Variants in PPFIA3 observed in about 807,000 individuals in gnomAD.
PPFIA3 encodes liprin-alpha-3.
A neutral mutation model predicts 145.8 loss-of-function variants in PPFIA3; 26 were observed. The observed-to-expected ratio is 0.18, with a 90% confidence interval of 0.13 to 0.25. The LOEUF is 0.25. Among genes scored for constraint, PPFIA3 ranks in the 10% least tolerant of loss-of-function variants. The pLI is 1.00. For synonymous variants in PPFIA3, 645 were observed against 661.4 expected, an observed-to-expected ratio of 0.98 and a Z score of 0.38; for missense variants, 1,008 against 1,587.8, an observed-to-expected ratio of 0.63 and a Z score of 6.21.
Position 49,149,668 on chromosome 19 carries a change from C to T in PPFIA3, c.3476C>T (p.Ala1159Val), listed in dbSNP as rs1326805289. 4.3e-6 allele frequency: 7 copies of T among 1,613,908 alleles called. No individual in the cohort carries two copies. Among genetic ancestry groups the T allele is most frequent in the Non-Finnish European group, 5.9e-6 (7 of 1,179,990 alleles). Reference sequence around the variant, plus strand: ...CCCCCCAACTTTCGTTCGGCTGCAGCGGGAGCCCTGGGCTCTCCGGGGCTC... The same window carrying T: ...CCCCCCAACTTTCGTTCGGCTGCAGTGGGAGCCCTGGGCTCTCCGGGGCTC... Reference protein sequence around the residue: ...MLPPNFRSAAAGALGSPGLPL... With the variant: ...MLPPNFRSAAVGALGSPGLPL... Residue 1159 changes from alanine to valine, a missense_variant, in exon 28 of 30, where the codon GCG becomes GTG. By Grantham distance (64) the Ala-to-Val change is moderately conservative. Coordinates refer to ENST00000334186, the MANE Select transcript of PPFIA3 (RefSeq NM_003660.4). The surrounding 1 kb of genome is among the most constrained non-coding windows in gnomAD (Gnocchi z 5.7).
In PPFIA3 at chr19:49,130,198, A is replaced by C; in HGVS notation, c.657+131A>C. ...CCTGTAAGAGTGTCACAGAGCTTGG[A>C]CCTCTGATTCAGGTCACCTAGCGAA... On this transcript the variant is annotated intron_variant, in intron 6 of 29. Coordinates refer to ENST00000334186, the MANE Select transcript of PPFIA3 (RefSeq NM_003660.4). The surrounding 1 kb of genome is among the most constrained non-coding windows in gnomAD (Gnocchi z 4.5). 1.7e-6 allele frequency: 2 copies of C among 1,188,592 alleles called. No homozygotes were observed. Among genetic ancestry groups the C allele is most frequent in the South Asian group, 1.5e-5 (1 of 64,980 alleles). 73.6% of individuals were successfully genotyped at this position (1,188,592 alleles called of 1,614,324 possible).
chr19:49,139,954 T>A lies in PPFIA3; in HGVS notation c.2241-7T>A. ...GCATATGCTCTCATTCTCTCCTGCT[T>A]TCCCAGTGAGGGCACCCCAGATTCT... is the stretch of plus-strand genomic sequence containing the variant. On this transcript the variant is annotated splice_polypyrimidine_tract_variant and splice_region_variant and intron_variant, in intron 17 of 29. Coordinates refer to ENST00000334186, the MANE Select transcript of PPFIA3 (RefSeq NM_003660.4). 1 of 1,614,074 alleles carries A rather than the reference T, an allele frequency of 6.2e-7. No homozygotes were observed. The highest frequency in any genetic ancestry group is 1.1e-5 in the South Asian group (1 of 91,070).
chr19:49,138,528 T>C (rs2041169998), intron 16 of PPFIA3, 101 bp downstream of exon 16: 1 of 1,034,028 alleles, frequency 9.7e-7, no homozygotes, highest in African/African-American at 1.6e-5. Flanking sequence ...CACCAGTGGT[T>C]TTCCAAAGCA....
chr19:49,146,961 A>C (rs992734071), intron 23 of PPFIA3, among the ~76,000 whole-genome samples: 6 of 151,834 alleles, frequency 4.0e-5, no homozygotes, highest in African/African-American at 1.2e-4. Context: ...TAACAAAAAA[A>C]CCCAAGAGGC....
At chr19:49,139,197 G>C (rs1285774976) in intron 16 of PPFIA3, among the ~76,000 whole-genome samples, 3 of 151,768 alleles carry the variant, frequency 2.0e-5, no homozygotes, top group African/African-American at 7.3e-5. Context: ...TGGTGGTGTG[G>C]GCCTGTAGTC....
At chr19:49,148,380 T>A in intron 24 of PPFIA3, 122 bp downstream of exon 24, 1 of 1,136,442 alleles carries the variant, frequency 8.8e-7, no homozygotes, top group Non-Finnish European at 1.2e-6. Flanking sequence ...GCCTGAGTTC[T>A]CAGGAAATCC....
At chr19:49,129,175 G>C (rs1390208478) in intron 4 of PPFIA3, among the ~76,000 whole-genome samples, 163 bp downstream of exon 4, 1 of 152,218 alleles carries the variant, frequency 6.6e-6, no homozygotes, top group Non-Finnish European at 1.5e-5. Context: ...GGACCTGACT[G>C]GTTGATAGCA....
rs890141905 is a variant in PPFIA3, at chr19:49,133,657, C to A, written c.1162-139C>A. 9.2e-6 allele frequency: 9 copies of A among 980,238 alleles called. No individual in the cohort carries two copies. In the African/African-American group the frequency reaches 1.5e-4, roughly 16 times the overall value. The allele number at this position is 980,238 out of a possible 1,614,324, so 60.7% of individuals were successfully genotyped here. On this transcript the variant is annotated intron_variant, in intron 9 of 29. Coordinates refer to ENST00000334186, the MANE Select transcript of PPFIA3 (RefSeq NM_003660.4). The surrounding 1 kb of genome is among the most constrained non-coding windows in gnomAD (Gnocchi z 7.2). ...TGAAAAAGTGGACTAGGCGCAGGGG[C>A]GGGGCCTGACTCAAAGGTGCAGGGG...
intron 21 of PPFIA3, among the ~76,000 whole-genome samples, chr19:49,144,869 C>T (rs1221098390): frequency 6.6e-6 from 1 of 151,984 alleles, no homozygotes; most frequent in East Asian, 1.9e-4. Flanking sequence ...GTAAACACCA[C>T]ATCCTTTATC....
intron 5 of PPFIA3, 151 bp downstream of exon 5, chr19:49,129,605 C>T (rs917799357): frequency 3.7e-6 from 3 of 820,984 alleles, no homozygotes; most frequent in South Asian, 3.4e-5. Flanking sequence ...TGGAGAGAAA[C>T]CAGTGGGGTT....
chr19:49,151,026 A>G lies in PPFIA3; in HGVS notation c.*804A>G, dbSNP rs904494849. The G allele has an allele frequency of 2.0e-5, 7 of 342,716 alleles. No homozygotes were observed. The highest frequency in any genetic ancestry group is 3.5e-5 in the Non-Finnish European group (7 of 198,092). 21.2% of individuals were successfully genotyped at this position (342,716 alleles called of 1,614,324 possible). On this transcript the variant is annotated 3_prime_UTR_variant, in exon 30 of 30. Transcript: ENST00000334186. Reference sequence around the variant, plus strand: ...ACGGGTAAAGAGAACTGTTTCAAAAAGCTTCCTTGTTGACTGATTTTTTTT... The same window carrying G: ...ACGGGTAAAGAGAACTGTTTCAAAAGGCTTCCTTGTTGACTGATTTTTTTT...
intron 21 of PPFIA3, among the ~76,000 whole-genome samples, chr19:49,144,045 G>A (rs1170500261): frequency 6.6e-6 from 1 of 150,806 alleles, no homozygotes; most frequent in East Asian, 2.0e-4. Flanking sequence ...TTGCTTTGTC[G>A]CCAAGGCTGG....
At chr19:49,147,144 T>C (rs1382941745) in intron 23 of PPFIA3, among the ~76,000 whole-genome samples, 2 of 152,148 alleles carry the variant, frequency 1.3e-5, no homozygotes, top group Non-Finnish European at 2.9e-5. Flanking sequence ...TTTCAGGACA[T>C]TGCAAGAGTG....
intron 1 of PPFIA3, among the ~76,000 whole-genome samples, chr19:49,125,752 G>A (rs909483990): frequency 2.0e-5 from 3 of 151,996 alleles, no homozygotes; most frequent in African/African-American, 7.3e-5. Context: ...TGCGGTCTCC[G>A]ACTCCTGGGA....
intron 25 of PPFIA3, 94 bp downstream of exon 25, chr19:49,148,857 T>C (rs1349113507): frequency 2.0e-6 from 3 of 1,496,362 alleles, no homozygotes; most frequent in East Asian, 2.3e-5. Context: ...GAGAAGCAAA[T>C]TGGCACCATA....
Position 49,128,111 on chromosome 19 carries a change from C to T in PPFIA3, c.238C>T (p.Gln80Ter). 6.5e-7 allele frequency: 1 copy of T among 1,544,446 alleles called. No homozygotes were observed. The highest frequency in any genetic ancestry group is 8.7e-7 in the Non-Finnish European group (1 of 1,153,766). Reference sequence around the variant, plus strand: ...GCGCCAGCTCAGCATCGCGCTGCCCCAGGTCTGGGCGGGACAGGGGCGGGG... The same window carrying T: ...GCGCCAGCTCAGCATCGCGCTGCCCTAGGTCTGGGCGGGACAGGGGCGGGG... ...LQRQLSIALP[Q>*]EFAALTKELN... is the part of the protein sequence containing the mutation. The change falls in exon 2 of 30, where the codon CAG (glutamine) becomes TAG (stop). Residue 80 changes from glutamine (Q) to a stop codon, truncating the protein, a stop_gained and splice_region_variant. Coordinates refer to ENST00000334186, the MANE Select transcript of PPFIA3 (RefSeq NM_003660.4). LOFTEE classifies it high-confidence loss of function. This position sits in a 1 kb window ranked among gnomAD's most constrained non-coding sequence, Gnocchi z 4.1.
chr19:49,126,879 C>T (rs537460100), intron 1 of PPFIA3, among the ~76,000 whole-genome samples: 38 of 152,008 alleles, frequency 2.5e-4, no homozygotes, highest in African/African-American at 8.9e-4. Flanking sequence ...ATACCAGGGT[C>T]GGCCAGCTTT....
chr19:49,142,426 C>T (rs551082454), intron 20 of PPFIA3, among the ~76,000 whole-genome samples: 1 of 152,216 alleles, frequency 6.6e-6, no homozygotes, highest in South Asian at 2.1e-4. Flanking sequence ...TCTGACCACG[C>T]TTTTGTCATT....
rs950253393 is a variant in PPFIA3, at chr19:49,150,222, C to T, written c.*14-14C>T. On this transcript the variant is annotated splice_polypyrimidine_tract_variant and intron_variant, in intron 29 of 29. Transcript: ENST00000334186. ...GGATCTTCACTGCTCCACGCGCTGC[C>T]CGGCGTCATGCAGGTGACCTCACTC... 4 of 1,354,738 alleles carry T rather than the reference C, an allele frequency of 3.0e-6. No homozygotes were observed. Among genetic ancestry groups the T allele is most frequent in the Non-Finnish European group, 3.1e-6 (3 of 980,664 alleles). 83.9% of individuals were successfully genotyped at this position (1,354,738 alleles called of 1,614,324 possible).
Sources: gnomAD v4.1 joint callset for allele counts (sites outside exome capture counted in the v4.1 genomes callset) on GRCh38, gnomAD v4.1.1 for gene constraint, Gnocchi (gnomAD v3.1) non-coding constraint, MANE v1.5 for transcripts, NCBI Gene and HGNC (gene_info 2026-07-23, HGNC 2026-07-21) for gene names.